The following GPC4 variants were observed in gnomAD, a reference collection of about 807,000 sequenced individuals.
The protein encoded by GPC4 is glypican 4.
GPC4 carries 10 observed loss-of-function variants against 35.0 expected under a neutral mutation model. The ratio of observed to expected loss-of-function variants is 0.29; its 90% CI spans 0.18 to 0.48. The LOEUF (loss-of-function observed/expected upper bound fraction) is 0.48, where lower values mean the gene tolerates loss of function less well. GPC4 is among the 20% of genes least tolerant of loss of function. GPC4 has a pLI of 0.99. For synonymous variants in GPC4, 167 were observed against 170.2 expected, an observed-to-expected ratio of 0.98 and a Z score of 0.15; for missense variants, 322 against 451.3, an observed-to-expected ratio of 0.71 and a Z score of 2.60.
intron 1 of GPC4, among the ~76,000 whole-genome samples, chrX:133,408,677 AGCT>A (rs1427486279): frequency 9.1e-6 from 1 of 110,373 alleles, no homozygotes; most frequent in Non-Finnish European, 1.9e-5. Flanking sequence ...GGTTGCGGAG[AGCT>A]GAGATCGTGC....
At chrX:133,378,136 T>A (rs1055664204) in intron 1 of GPC4, among the ~76,000 whole-genome samples, 2 of 110,958 alleles carry the variant, frequency 1.8e-5, no homozygotes, top group Non-Finnish European at 3.8e-5. Flanking sequence ...TCTGCCCACC[T>A]TGGCCTCCCA....
chrX:133,343,322 TAC>T (rs2068474903), intron 1 of GPC4, among the ~76,000 whole-genome samples: 1 of 111,909 alleles, frequency 8.9e-6, no homozygotes, highest in Non-Finnish European at 1.9e-5. Flanking sequence ...GCTCTTGACA[TAC>T]AGTTTCTTCT....
intron 1 of GPC4, among the ~76,000 whole-genome samples, chrX:133,361,750 T>G (rs565282355): frequency 4.5e-5 from 5 of 111,819 alleles, no homozygotes; most frequent in African/African-American, 1.6e-4. Flanking sequence ...ATAAATTTTC[T>G]AGAACACAAA....
At chrX:133,363,233 A>C (rs28409558) in intron 1 of GPC4, among the ~76,000 whole-genome samples, 40,842 of 109,568 alleles carry the variant, frequency 0.37, 6,469 homozygotes, top group African/African-American at 0.59. Flanking sequence ...ATGAGGTCTC[A>C]CTATGTTGCC....
At chrX:133,385,338 C>T (rs1439240198) in intron 1 of GPC4, among the ~76,000 whole-genome samples, 1 of 112,004 alleles carries the variant, frequency 8.9e-6, no homozygotes, top group Non-Finnish European at 1.9e-5. Context: ...TCATGATCTA[C>T]ATGGTCTTAG....
At chrX:133,366,087 T>A (rs978029863) in intron 1 of GPC4, among the ~76,000 whole-genome samples, 1 of 111,903 alleles carries the variant, frequency 8.9e-6, no homozygotes, top group Admixed American at 9.5e-5. Context: ...CCTTCCCAAG[T>A]CCTTATCAGC....
Position 133,311,468 on chromosome X carries a change from TAG to T in GPC4, c.712-47_712-46del, listed in dbSNP as rs767772904. 4 of 1,138,780 alleles carry T rather than the reference TAG, an allele frequency of 3.5e-6. No homozygotes were observed. The East Asian group carries it at 1.2e-4, about 34-fold the overall frequency. 93.8% of individuals were successfully genotyped at this position (1,138,780 alleles called of 1,213,427 possible). A position where few individuals can be genotyped will look rare whatever the true frequency, so the allele number is the denominator to read the frequency against. ...AAAGACAGTAGTGGCGGGGCTAAAATAGAGACAGAAATTGCTTCTATCACATT... is the reference window on the plus strand; with the variant it reads ...AAAGACAGTAGTGGCGGGGCTAAAATAGACAGAAATTGCTTCTATCACATT... On this transcript the variant is annotated intron_variant, in intron 3 of 8. Transcript: ENST00000370828.
chrX:133,394,420 G>C (rs1219484212), intron 1 of GPC4, among the ~76,000 whole-genome samples: 1 of 110,439 alleles, frequency 9.1e-6, no homozygotes, highest in Non-Finnish European at 1.9e-5. Flanking sequence ...ATAATCTCTG[G>C]AGGTCTTATG....
chrX:133,407,628 C>T (rs2068795087), intron 1 of GPC4, among the ~76,000 whole-genome samples: 1 of 111,683 alleles, frequency 9.0e-6, no homozygotes, highest in Admixed American at 9.5e-5. Flanking sequence ...ACCCTTTTCA[C>T]CATTATTATC....
At position 133,312,864 on chromosome X, in the gene GPC4, A is replaced by G. The variant is rs184264252; in HGVS notation, c.712-1441T>C. On this transcript the variant is annotated intron_variant, in intron 3 of 8. Coordinates refer to ENST00000370828, the MANE Select transcript of GPC4 (RefSeq NM_001448.3). ...GGGACTTCATTTCATCTAGTTTTAT[A>G]AAGTGAAATTATTTGGGGTGTAGAA... Among the ~76,000 whole-genome samples, 182 of 111,237 alleles carry G rather than the reference A, an allele frequency of 1.6e-3. 1 individual carries two copies. Among genetic ancestry groups the G allele is most frequent in the Middle Eastern group, 9.2e-3 (2 of 217 alleles).
At position 133,339,179 on chromosome X, in the gene GPC4, A is replaced by G; in HGVS notation, c.319+4T>C. ...GGTTCTTACATATGACTTGAATAAC[A>G]TACCATCAAACTTCTTGTAACGTGA... On this transcript the variant is annotated splice_donor_region_variant and intron_variant, in intron 2 of 8. Transcript: ENST00000370828. 8.3e-7 allele frequency: 1 copy of G among 1,210,833 alleles called. No homozygotes were observed. The highest frequency in any genetic ancestry group is 1.1e-6 in the Non-Finnish European group (1 of 894,903).
chrX:133,362,057 CTT>C (rs1002444019), intron 1 of GPC4, among the ~76,000 whole-genome samples: 3 of 109,535 alleles, frequency 2.7e-5, no homozygotes, highest in African/African-American at 1.0e-4. Flanking sequence ...CTATATAAAA[CTT>C]AAAAATTAGC....
chrX:133,332,180 T>G (rs144764190), intron 2 of GPC4, among the ~76,000 whole-genome samples: 1,120 of 111,796 alleles, frequency 0.01, 6 homozygotes, highest in Non-Finnish European at 0.016. Flanking sequence ...CTAAATAGTA[T>G]TCCTCATTAT....
chrX:133,309,264 C>T (rs1169699653), intron 4 of GPC4, among the ~76,000 whole-genome samples: 1 of 111,960 alleles, frequency 8.9e-6, no homozygotes, highest in Non-Finnish European at 1.9e-5. Context: ...AGGGAAAAAT[C>T]GATTCAGAAA....
intron 3 of GPC4, among the ~76,000 whole-genome samples, chrX:133,321,182 G>A (rs1245128055): frequency 2.7e-5 from 3 of 112,237 alleles, no homozygotes; most frequent in African/African-American, 9.7e-5. Flanking sequence ...TTCTGAGAAC[G>A]ACGTCCAGAA....
In GPC4 at chrX:133,382,592, G is replaced by A. The variant is rs926925446; in HGVS notation, c.160+32214C>T. The stretch of plus-strand genomic sequence containing the variant: ...AAATACAAAAAAATTAGCCAGGCGT[G>A]GTGGCGGGCACCTGTAGTCCCAGCT... On this transcript the variant is annotated intron_variant, in intron 1 of 8. Coordinates refer to ENST00000370828, the MANE Select transcript of GPC4 (RefSeq NM_001448.3). 7.4e-5 allele frequency among the ~76,000 whole-genome samples: 8 copies of A among 108,549 alleles called. No individual in the cohort carries two copies. In the East Asian group the frequency reaches 1.7e-3, roughly 24 times the overall value. 94.3% of individuals were successfully genotyped at this position (108,549 alleles called of 115,157 possible). A position where few individuals can be genotyped will look rare whatever the true frequency, so the allele number is the denominator to read the frequency against.
At chrX:133,376,696 C>T (rs1225869247) in intron 1 of GPC4, among the ~76,000 whole-genome samples, 1 of 112,011 alleles carries the variant, frequency 8.9e-6, no homozygotes. Context: ...ACTATACACA[C>T]GGGGTCGACA....
At chrX:133,347,318 A>G (rs2124140530) in intron 1 of GPC4, among the ~76,000 whole-genome samples, 1 of 95,695 alleles carries the variant, frequency 1.0e-5, no homozygotes, top group East Asian at 3.2e-4. Context: ...TAAAAAGCAT[A>G]AATACATGTG....
At chrX:133,313,081 T>C (rs2068323601) in intron 3 of GPC4, among the ~76,000 whole-genome samples, 1 of 112,036 alleles carries the variant, frequency 8.9e-6, no homozygotes. Flanking sequence ...TAACACAGAC[T>C]TTTGGAGGCA....
Sources: allele counts gnomAD v4.1 joint callset (sites outside exome capture counted in the v4.1 genomes callset), GRCh38; gene constraint gnomAD v4.1.1; transcripts MANE v1.5; gene names NCBI Gene and HGNC (gene_info 2026-07-23, HGNC 2026-07-21).